Variants in GABRA4 observed in about 807,000 individuals in gnomAD.
The protein encoded by GABRA4 is gamma-aminobutyric acid receptor subunit alpha-4.
A neutral mutation model predicts 49.7 loss-of-function variants in GABRA4; 12 were observed. That is an observed-to-expected ratio of 0.24 (90% CI 0.15 to 0.39). GABRA4 has a LOEUF of 0.39. GABRA4 is among the 10% of genes least tolerant of loss of function. GABRA4 has a pLI of 1.00. For missense variants in GABRA4, 506 were observed against 686.0 expected, an observed-to-expected ratio of 0.74 and a Z score of 2.93; for synonymous variants, 288 against 240.2, an observed-to-expected ratio of 1.20 and a Z score of -1.84.
intron 8 of GABRA4, among the ~76,000 whole-genome samples, chr4:46,945,199 G>A (rs751924188): frequency 2.6e-5 from 4 of 152,098 alleles, no homozygotes; most frequent in Non-Finnish European, 5.9e-5. Context: ...TGTTTAATGA[G>A]TCAGTCCTGG....
chr4:46,983,895 A>G (rs552271425), intron 2 of GABRA4, among the ~76,000 whole-genome samples: 115 of 152,200 alleles, frequency 7.6e-4, no homozygotes, highest in African/African-American at 2.7e-3. Flanking sequence ...AATGGTTGAC[A>G]GTCTGTAAGG....
intron 8 of GABRA4, among the ~76,000 whole-genome samples, chr4:46,947,816 A>G (rs1421879573): frequency 2.0e-5 from 3 of 152,058 alleles, no homozygotes; most frequent in Non-Finnish European, 2.9e-5. Flanking sequence ...CCCTAAACAT[A>G]GTGGCTTAAA....
intron 8 of GABRA4, among the ~76,000 whole-genome samples, chr4:46,942,548 G>A (rs1319275211): frequency 8.6e-5 from 13 of 151,422 alleles, no homozygotes; most frequent in African/African-American, 1.9e-4. Context: ...TTGCTTGAAC[G>A]CGGAAGGTGG....
At chr4:46,939,119 T>TA (rs1721706585) in intron 8 of GABRA4, among the ~76,000 whole-genome samples, 1 of 151,986 alleles carries the variant, frequency 6.6e-6, no homozygotes, top group Admixed American at 6.6e-5. Flanking sequence ...ATGCTGTTGA[T>TA]ATTAGAAACA....
Position 46,928,555 on chromosome 4 carries a change from T to C in GABRA4, c.1335A>G (p.Ile445Met), listed in dbSNP as rs1290534161. 1 of 1,613,642 alleles carries C rather than the reference T, an allele frequency of 6.2e-7. No homozygotes were observed. Among genetic ancestry groups the C allele is most frequent in the South Asian group, 1.1e-5 (1 of 91,080 alleles). Residue 445 changes from isoleucine (I) to methionine (M), a missense_variant, in exon 9 of 9, where the codon ATA becomes ATG. Coordinates refer to ENST00000264318, the MANE Select transcript of GABRA4 (RefSeq NM_000809.4). ...PFSRANAAET[I>M]SAARALPSAS... ...CAGATGGAAGTGCTCTTGCTGCAGA[T>C]ATGGTTTCAGCTGCATTTGCACGGC...
intron 6 of GABRA4, among the ~76,000 whole-genome samples, chr4:46,972,100 G>A (rs893394639): frequency 6.6e-6 from 1 of 151,588 alleles, no homozygotes; most frequent in African/African-American, 2.4e-5. Flanking sequence ...TTGCAGACTG[G>A]AAAATAAATG....
In GABRA4 at chr4:46,928,557, T is replaced by C. The variant is rs1399729652; in HGVS notation, c.1333A>G (p.Ile445Val). The C allele has an allele frequency of 6.2e-7, 1 of 1,613,686 alleles. No homozygotes were observed. Residue 445 changes from isoleucine to valine, a missense_variant, in exon 9 of 9, where the codon ATA becomes GTA. Ile to Val is a conservative substitution (Grantham distance 29). Around this residue, in one of 5 missense-constraint regions of GABRA4, gnomAD observed 243 missense variants for 210.8 expected, o/e 1.15. Transcript: ENST00000264318. ...GATGGAAGTGCTCTTGCTGCAGATATGGTTTCAGCTGCATTTGCACGGCTG... is the reference window on the plus strand; with the variant it reads ...GATGGAAGTGCTCTTGCTGCAGATACGGTTTCAGCTGCATTTGCACGGCTG... ...PFSRANAAET[I>V]SAARALPSAS...
chr4:46,952,914 T>C (rs1722221545), intron 8 of GABRA4, among the ~76,000 whole-genome samples: 1 of 152,118 alleles, frequency 6.6e-6, no homozygotes, highest in Non-Finnish European at 1.5e-5. Flanking sequence ...TGGAAATGTG[T>C]AGTTTTTTCA....
At chr4:46,956,088 A>G (rs768780513) in intron 8 of GABRA4, among the ~76,000 whole-genome samples, 4 of 152,122 alleles carry the variant, frequency 2.6e-5, no homozygotes, top group Non-Finnish European at 4.4e-5. Flanking sequence ...TATATTGGGC[A>G]CTTAAAACAT....
rs1721141437 is a variant in GABRA4, at chr4:46,924,496, TATC to T, written c.*3726_*3728del. On this transcript the variant is annotated 3_prime_UTR_variant, in exon 9 of 9. Coordinates refer to ENST00000264318, the MANE Select transcript of GABRA4 (RefSeq NM_000809.4). ...GAAAGGGGCTATTTTTATCTCTGTA[TATC>T]TAAAAATCAGCACAGTACCCAAACT... is the stretch of plus-strand genomic sequence containing the variant. 2 of 152,152 alleles carry T rather than the reference TATC, an allele frequency of 1.3e-5. No individual in the cohort carries two copies. The highest frequency in any genetic ancestry group is 4.1e-4 in the South Asian group (2 of 4,828). 9.4% of individuals were successfully genotyped at this position (152,152 alleles called of 1,614,324 possible).
At chr4:46,939,112 C>T (rs1186181281) in intron 8 of GABRA4, among the ~76,000 whole-genome samples, 1 of 151,792 alleles carries the variant, frequency 6.6e-6, no homozygotes, top group Non-Finnish European at 1.5e-5. Context: ...GAAGAAGATG[C>T]TGTTGATATT....
chr4:46,969,387 G>A (rs1361591978), intron 7 of GABRA4, among the ~76,000 whole-genome samples: 2 of 151,474 alleles, frequency 1.3e-5, no homozygotes, highest in Non-Finnish European at 3.0e-5. Context: ...AAAGTTAAGA[G>A]ACTTTGGATG....
At chr4:46,962,760 A>G (rs1299407915) in intron 8 of GABRA4, among the ~76,000 whole-genome samples, 1 of 151,942 alleles carries the variant, frequency 6.6e-6, no homozygotes, top group African/African-American at 2.4e-5. Flanking sequence ...AAAAACAGAC[A>G]CATAGATCAA....
chr4:46,950,841 A>G (rs1722150607), intron 8 of GABRA4, among the ~76,000 whole-genome samples: 1 of 152,050 alleles, frequency 6.6e-6, no homozygotes, highest in Non-Finnish European at 1.5e-5. Flanking sequence ...TCAAAGCAAG[A>G]TATCCTTATC....
At chr4:46,937,847 G>T (rs1347739210) in intron 8 of GABRA4, among the ~76,000 whole-genome samples, 2 of 152,040 alleles carry the variant, frequency 1.3e-5, no homozygotes, top group Non-Finnish European at 2.9e-5. Flanking sequence ...AATTTGAGCT[G>T]CTTCTTCAAC....
rs34315359 is a variant in GABRA4 at position 46,959,818 on chromosome 4, GTA to G, written c.1134+5150_1134+5151del. 5.2e-3 allele frequency among the ~76,000 whole-genome samples: 714 copies of G among 138,128 alleles called. 4 individuals carry two copies. The highest frequency in any genetic ancestry group is 7.2e-3 in the Middle Eastern group (2 of 276). 90.6% of individuals were successfully genotyped at this position (138,128 alleles called of 152,430 possible). On this transcript the variant is annotated intron_variant, in intron 8 of 8. Coordinates refer to ENST00000264318, the MANE Select transcript of GABRA4 (RefSeq NM_000809.4). ...CAACTCACTATAACACAAAAATTAT[GTA>G]TATATATATATATATGTGTGTGTGT...
chr4:46,973,304 C>A (rs941453276), intron 6 of GABRA4, among the ~76,000 whole-genome samples: 1 of 151,592 alleles, frequency 6.6e-6, no homozygotes, highest in Non-Finnish European at 1.5e-5. Context: ...GATGGTGGAG[C>A]CTTTATGAAT....
intron 8 of GABRA4, among the ~76,000 whole-genome samples, chr4:46,961,345 C>A (rs1722565747): frequency 6.6e-6 from 1 of 151,836 alleles, no homozygotes; most frequent in East Asian, 1.9e-4. Flanking sequence ...CCATCCTCCT[C>A]ATCCTCCTCC....
intron 1 of GABRA4, 135 bp downstream of exon 1, chr4:46,993,204 G>T: frequency 1.2e-6 from 1 of 826,518 alleles, no homozygotes; most frequent in Non-Finnish European, 2.0e-6. Flanking sequence ...GAAAAGCCTG[G>T]CTTCGGCCCC....
Sources: gnomAD v4.1 joint callset for allele counts (sites outside exome capture counted in the v4.1 genomes callset) on GRCh38, gnomAD v4.1.1 for gene constraint, gnomAD v4.1.1 regional missense constraint, MANE v1.5 for transcripts, NCBI Gene and HGNC (gene_info 2026-07-23, HGNC 2026-07-21) for gene names.